The following LANCL2 variants were observed in gnomAD, a reference collection of about 807,000 sequenced individuals.
LANCL2 encodes the protein lanC-like protein 2.
In LANCL2, 33 loss-of-function variants were observed where a neutral mutation model predicts 56.9. The ratio of observed to expected loss-of-function variants is 0.58; its 90% CI spans 0.44 to 0.78. The LOEUF (loss-of-function observed/expected upper bound fraction) is 0.78, where lower values mean the gene tolerates loss of function less well. Among genes scored for constraint, LANCL2 ranks in the 30% least tolerant of loss-of-function variants. The probability of loss-of-function intolerance (pLI) is 0.00; values close to 1 mark genes in which losing one functional copy is unlikely to be tolerated. For synonymous variants in LANCL2, 233 were observed against 228.2 expected (o/e 1.02, Z -0.19); for missense variants, 562 against 580.2 (o/e 0.97, Z 0.32).
At chr7:55,401,352 T>C (rs1258924130) in intron 5 of LANCL2, 32 bp downstream of exon 5, 3 of 1,570,742 alleles carry the variant, frequency 1.9e-6, no homozygotes, top group South Asian at 2.2e-5. Flanking sequence ...CACTACAGTA[T>C]ATTTGATCAA....
At position 55,424,235 on chromosome 7, in the gene LANCL2, C is replaced by G. The variant is rs142267670; in HGVS notation, c.1009-1019C>G. On this transcript the variant is annotated intron_variant, in intron 6 of 8. Coordinates refer to ENST00000254770, the MANE Select transcript of LANCL2 (RefSeq NM_018697.4). ...CTGTGAGGAGAAAGAAGAAAATGTA[C>G]AAGGGAATCTCAGGAAGTGAAAACC... Among the ~76,000 whole-genome samples, 649 of 152,268 alleles carry G rather than the reference C, an allele frequency of 4.3e-3. 3 individuals are homozygous for G. Among genetic ancestry groups the G allele is most frequent in the Middle Eastern group, 0.014 (4 of 294 alleles).
At chr7:55,411,158 C>T (rs1458673609) in intron 5 of LANCL2, among the ~76,000 whole-genome samples, 1 of 152,200 alleles carries the variant, frequency 6.6e-6, no homozygotes, top group East Asian at 1.9e-4. Flanking sequence ...CCATCTGACT[C>T]TTCTCACCAG....
chr7:55,429,482 C>T (rs1281306339), intron 8 of LANCL2, among the ~76,000 whole-genome samples: 1 of 152,178 alleles, frequency 6.6e-6, no homozygotes, highest in African/African-American at 2.4e-5. Flanking sequence ...TCCTTATCAT[C>T]CTCTGTCTGC....
chr7:55,428,468 A>G (rs368805367), intron 8 of LANCL2, 21 bp downstream of exon 8: 23 of 1,604,696 alleles, frequency 1.4e-5, no homozygotes, highest in Admixed American at 1.0e-4. Flanking sequence ...GAAAAATGCT[A>G]TAGATTAAAT....
intron 2 of LANCL2, among the ~76,000 whole-genome samples, chr7:55,396,573 C>T (rs974534892): frequency 6.6e-6 from 1 of 152,220 alleles, no homozygotes; most frequent in Non-Finnish European, 1.5e-5. Context: ...CACAGGCTGG[C>T]CAGAAGGTTG....
intron 1 of LANCL2, among the ~76,000 whole-genome samples, chr7:55,389,551 G>A (rs1489757307): frequency 6.6e-6 from 1 of 152,200 alleles, no homozygotes; most frequent in African/African-American, 2.4e-5. Flanking sequence ...TAAAGAGGGT[G>A]TTCAGTTTTG....
intron 5 of LANCL2, among the ~76,000 whole-genome samples, chr7:55,406,292 C>T (rs924760638): frequency 2.6e-5 from 4 of 152,126 alleles, no homozygotes; most frequent in African/African-American, 9.7e-5. Flanking sequence ...GGAACAAAAC[C>T]CCTCCCTGCA....
chr7:55,429,195 T>A (rs984199070), intron 8 of LANCL2, among the ~76,000 whole-genome samples: 38 of 150,776 alleles, frequency 2.5e-4, no homozygotes, highest in African/African-American at 9.0e-4. Flanking sequence ...TGTTGAGAAG[T>A]ATCTTCTTCT....
intron 7 of LANCL2, 121 bp from the exon 8 acceptor site, chr7:55,428,254 G>A (rs1255527699): frequency 9.5e-6 from 8 of 841,816 alleles, no homozygotes; most frequent in Admixed American, 3.9e-5. Flanking sequence ...TGGAGCCCAC[G>A]CTGAATGCCC....
intron 1 of LANCL2, among the ~76,000 whole-genome samples, chr7:55,373,526 C>T (rs1043778167): frequency 8.6e-5 from 13 of 151,962 alleles, no homozygotes; most frequent in Non-Finnish European, 1.9e-4. Context: ...AATTCCTGGG[C>T]CCAAGCAATT....
chr7:55,429,729 C>A (rs1016980818), intron 8 of LANCL2, among the ~76,000 whole-genome samples: 2 of 152,234 alleles, frequency 1.3e-5, no homozygotes, highest in East Asian at 1.9e-4. Flanking sequence ...TGCCTGAACT[C>A]TAAATGGAGT....
intron 1 of LANCL2, among the ~76,000 whole-genome samples, chr7:55,382,384 A>T (rs1361808037): frequency 6.6e-6 from 1 of 152,158 alleles, no homozygotes; most frequent in East Asian, 1.9e-4. Flanking sequence ...TTAGCAGGGG[A>T]GTGGAGAAGA....
chr7:55,408,264 G>A lies in LANCL2; in HGVS notation c.826-3643G>A, dbSNP rs886982338. ...GAAATAGACAATGGGAGAGGAAAAC[G>A]TAAGAAAGAGGATTAATCCAGGAGG... On this transcript the variant is annotated intron_variant, in intron 5 of 8. Coordinates refer to ENST00000254770, the MANE Select transcript of LANCL2 (RefSeq NM_018697.4). 5.9e-5 allele frequency among the ~76,000 whole-genome samples: 9 copies of A among 152,254 alleles called. No homozygotes were observed. In the South Asian group the frequency reaches 8.3e-4, roughly 14 times the overall value.
At chr7:55,416,204 T>G (rs1435197996) in intron 6 of LANCL2, among the ~76,000 whole-genome samples, 2 of 152,222 alleles carry the variant, frequency 1.3e-5, no homozygotes, top group Admixed American at 1.3e-4. Flanking sequence ...ATCTTCCTGA[T>G]TGACCAGGGT....
chr7:55,395,346 A>G (rs1790238256), intron 2 of LANCL2, among the ~76,000 whole-genome samples: 1 of 152,226 alleles, frequency 6.6e-6, no homozygotes, highest in South Asian at 2.1e-4. Flanking sequence ...TAACTTAGTT[A>G]AGCAGTGAGT....
chr7:55,381,234 A>T (rs1236850439), intron 1 of LANCL2, among the ~76,000 whole-genome samples: 1 of 152,168 alleles, frequency 6.6e-6, no homozygotes, highest in Non-Finnish European at 1.5e-5. Flanking sequence ...TTCTGTGTCC[A>T]CGTCTTTTAT....
intron 5 of LANCL2, among the ~76,000 whole-genome samples, chr7:55,406,906 T>G (rs1414839492): frequency 6.6e-6 from 1 of 152,094 alleles, no homozygotes; most frequent in African/African-American, 2.4e-5. Context: ...ACAGCTGACC[T>G]GCTGGGATGA....
At chr7:55,396,020 A>G (rs1790247958) in intron 2 of LANCL2, among the ~76,000 whole-genome samples, 1 of 152,246 alleles carries the variant, frequency 6.6e-6, no homozygotes, top group Non-Finnish European at 1.5e-5. Context: ...TTGTAACACA[A>G]TGGTGTTTTT....
At chr7:55,424,176 C>T (rs1790637770) in intron 6 of LANCL2, among the ~76,000 whole-genome samples, 2 of 152,306 alleles carry the variant, frequency 1.3e-5, no homozygotes, top group South Asian at 4.1e-4. Context: ...TAAGAACAGA[C>T]TCTGAGAAAA....
Sources: allele counts gnomAD v4.1 joint callset (sites outside exome capture counted in the v4.1 genomes callset), GRCh38; gene constraint gnomAD v4.1.1; transcripts MANE v1.5; gene names NCBI Gene and HGNC (gene_info 2026-07-23, HGNC 2026-07-21).